The following GPRC5C variants were observed in gnomAD, a reference collection of about 807,000 sequenced individuals.
GPRC5C encodes G protein-coupled receptor family C group 5 member C.
GPRC5C carries 22 observed loss-of-function variants against 31.4 expected under a neutral mutation model. The observed-to-expected ratio is 0.70, with a 90% CI of 0.50 to 1.00. The LOEUF (loss-of-function observed/expected upper bound fraction) is 1.00, where lower values mean the gene tolerates loss of function less well. GPRC5C is among the 50% of genes least tolerant of loss of function. The pLI, the probability that GPRC5C is intolerant of heterozygous loss-of-function variation, is 0.00. For missense variants in GPRC5C, 557 were observed against 597.2 expected (o/e 0.93, Z 0.70); for synonymous variants, 249 against 257.5 (o/e 0.97, Z 0.32).
chr17:74,448,863 A>G, downstream of GPRC5C: 5 of 1,289,814 alleles, frequency 3.9e-6, no homozygotes, highest in Non-Finnish European at 4.0e-6. Flanking sequence ...AACACCAACC[A>G]GGTTTTCCTA....
rs998426080 is a variant in GPRC5C, at chr17:74,440,967, A to G, written c.1051+140A>G. On this transcript the variant is annotated intron_variant, in intron 2 of 3. Coordinates refer to ENST00000392627, the MANE Select transcript of GPRC5C (RefSeq NM_022036.4). The surrounding 1 kb of genome is among the most constrained non-coding windows in gnomAD (Gnocchi z 4.4). ...TTCTGCCTAAGTGTCTCTAAATTCC[A>G]TTTAATTTAAAGATTTTTTTTTTTC... 1 of 666,852 alleles carries G rather than the reference A, an allele frequency of 1.5e-6. No homozygotes were observed. The allele number at this position is 666,852 out of a possible 1,614,324, so 41.3% of individuals were successfully genotyped here.
chr17:74,441,516 C>T (rs1409307365), intron 2 of GPRC5C, among the ~76,000 whole-genome samples: 1 of 152,016 alleles, frequency 6.6e-6, no homozygotes, highest in East Asian at 1.9e-4. Flanking sequence ...TCATAGGGTT[C>T]TTGTGAGGAT....
chr17:74,439,948 G>A lies in GPRC5C; in HGVS notation c.172G>A (p.Gly58Arg). ...GGGCATCGTCCTGGAGGCCGTGGCTGGGGCGGGCATTGTCACCACGTTTGT... is the reference window on the plus strand; with the variant it reads ...GGGCATCGTCCTGGAGGCCGTGGCTAGGGCGGGCATTGTCACCACGTTTGT... ...AWGIVLEAVA[G>R]AGIVTTFVLT... is the part of the protein sequence containing the mutation. The change falls in exon 2 of 4, where the codon GGG becomes AGG. Residue 58 changes from glycine (G) to arginine (R), a missense_variant. Transcript: ENST00000392627. The A allele has an allele frequency of 1.2e-6, 2 of 1,610,918 alleles. No homozygotes were observed. The highest frequency in any genetic ancestry group is 1.7e-6 in the Non-Finnish European group (2 of 1,179,992).
chr17:74,447,381 C>T lies in GPRC5C; in HGVS notation c.*353C>T. 9.6e-7 allele frequency: 1 copy of T among 1,041,582 alleles called. No homozygotes were observed. Among genetic ancestry groups the T allele is most frequent in the East Asian group, 7.5e-5 (1 of 13,322 alleles). 64.5% of individuals were successfully genotyped at this position (1,041,582 alleles called of 1,614,324 possible). On this transcript the variant is annotated 3_prime_UTR_variant, in exon 4 of 4. Transcript: ENST00000392627. ...CAGGCGCTCAGGCCTGGATCTTGCT[C>T]CTCTGTGAGGAACAAGGGTGCCTAA... is the stretch of plus-strand genomic sequence containing the variant.
At position 74,439,768 on chromosome 17, in the gene GPRC5C, G is replaced by A; in HGVS notation, c.-9G>A. ...AGGGACCCAACCAGAGCCTGGCCTGGGAGCCAGGATGGCCATCCACAAAGC... is the reference window on the plus strand; with the variant it reads ...AGGGACCCAACCAGAGCCTGGCCTGAGAGCCAGGATGGCCATCCACAAAGC... On this transcript the variant is annotated 5_prime_UTR_variant, in exon 2 of 4. Transcript: ENST00000392627. 1 of 1,608,702 alleles carries A rather than the reference G, an allele frequency of 6.2e-7. No homozygotes were observed. Among genetic ancestry groups the A allele is most frequent in the Non-Finnish European group, 8.5e-7 (1 of 1,176,636 alleles).
intron 1 of GPRC5C, among the ~76,000 whole-genome samples, chr17:74,434,210 C>A (rs915582297): frequency 6.6e-6 from 1 of 152,196 alleles, no homozygotes; most frequent in Non-Finnish European, 1.5e-5. Flanking sequence ...GAGGCTGGAG[C>A]TGGGCTTCAG....
intron 2 of GPRC5C, among the ~76,000 whole-genome samples, chr17:74,442,690 A>G (rs2055559319): frequency 6.6e-6 from 1 of 152,202 alleles, no homozygotes. Context: ...TCTCTTCTAC[A>G]CACTGTGAAA....
chr17:74,447,286 G>A lies in GPRC5C; in HGVS notation c.*258G>A. ...TCGGCGGTCACACTCCAGCCAAATAGTGTTCTCGGGGTGGTGGCTGGGCAG... is the reference window on the plus strand; with the variant it reads ...TCGGCGGTCACACTCCAGCCAAATAATGTTCTCGGGGTGGTGGCTGGGCAG... On this transcript the variant is annotated 3_prime_UTR_variant, in exon 4 of 4. Coordinates refer to ENST00000392627, the MANE Select transcript of GPRC5C (RefSeq NM_022036.4). 1 of 1,245,844 alleles carries A rather than the reference G, an allele frequency of 8.0e-7. No homozygotes were observed. Among genetic ancestry groups the A allele is most frequent in the East Asian group, 3.4e-5 (1 of 29,010 alleles). 77.2% of individuals were successfully genotyped at this position (1,245,844 alleles called of 1,614,324 possible). A position where few individuals can be genotyped will look rare whatever the true frequency, so the allele number is the denominator to read the frequency against.
intron 3 of GPRC5C, 118 bp from the exon 4 acceptor site, chr17:74,446,731 G>A (rs899722640): frequency 1.0e-5 from 8 of 788,086 alleles, no homozygotes; most frequent in South Asian, 3.4e-5. Flanking sequence ...CAGAGGAGCC[G>A]AGGGGGGAGT....
Position 74,439,735 on chromosome 17 carries a change from C to T in GPRC5C, c.-32-10C>T, listed in dbSNP as rs1246318898. The T allele has an allele frequency of 3.2e-6, 5 of 1,583,884 alleles. No homozygotes were observed. In the Admixed American group the frequency reaches 9.1e-5, roughly 29 times the overall value. ...AGGACTAATTTTGTCCCTTTTCCTT[C>T]TGTCTCTAGGGACCCAACCAGAGCC... On this transcript the variant is annotated splice_polypyrimidine_tract_variant and intron_variant, in intron 1 of 3. Coordinates refer to ENST00000392627, the MANE Select transcript of GPRC5C (RefSeq NM_022036.4).
chr17:74,447,348 A>G lies in GPRC5C; in HGVS notation c.*320A>G, dbSNP rs2055657941. ...CTCTGGAGATTCCTGCAACCTCAAGAGACTTCCCAGGCGCTCAGGCCTGGA... is the reference window on the plus strand; with the variant it reads ...CTCTGGAGATTCCTGCAACCTCAAGGGACTTCCCAGGCGCTCAGGCCTGGA... On this transcript the variant is annotated 3_prime_UTR_variant, in exon 4 of 4. Coordinates refer to ENST00000392627, the MANE Select transcript of GPRC5C (RefSeq NM_022036.4). 1 of 1,089,500 alleles carries G rather than the reference A, an allele frequency of 9.2e-7. No individual in the cohort carries two copies. The highest frequency in any genetic ancestry group is 4.8e-5 in the Admixed American group (1 of 20,620). 67.5% of individuals were successfully genotyped at this position (1,089,500 alleles called of 1,614,324 possible).
intron 1 of GPRC5C, among the ~76,000 whole-genome samples, chr17:74,439,115 C>T (rs1293925244): frequency 6.6e-6 from 1 of 152,210 alleles, no homozygotes; most frequent in Non-Finnish European, 1.5e-5. Flanking sequence ...GTTTATTTCA[C>T]CCTTGACTTC....
intron 3 of GPRC5C, among the ~76,000 whole-genome samples, chr17:74,444,751 G>A (rs1209389214): frequency 4.6e-5 from 7 of 152,190 alleles, no homozygotes; most frequent in South Asian, 2.1e-4. Context: ...TGGAGGCTGC[G>A]GGCTGTCAGC....
rs758846070 is a variant in GPRC5C at position 74,432,090 on chromosome 17, A to C, written c.-84A>C. The stretch of plus-strand genomic sequence containing the variant: ...ACAACCCACACGCCGGCAGGGCCAG[A>C]AACTCCCATCTCCCTCACCAGCCGG... On this transcript the variant is annotated 5_prime_UTR_variant, in exon 1 of 4. Coordinates refer to ENST00000392627, the MANE Select transcript of GPRC5C (RefSeq NM_022036.4). 6.2e-7 allele frequency: 1 copy of C among 1,613,476 alleles called. No individual in the cohort carries two copies. Among genetic ancestry groups the C allele is most frequent in the Non-Finnish European group, 8.5e-7 (1 of 1,179,878 alleles).
intron 3 of GPRC5C, chr17:74,445,976 T>C: frequency 1.1e-5 from 1 of 88,148 alleles, no homozygotes; most frequent in Non-Finnish European, 2.3e-5. Flanking sequence ...CCTGGCAACG[T>C]AGTGAGACCC....
chr17:74,440,361 C>T lies in GPRC5C; in HGVS notation c.585C>T (p.Gly195=), dbSNP rs768895504. 2.2e-5 allele frequency: 35 copies of T among 1,614,118 alleles called. No individual in the cohort carries two copies. The highest frequency in any genetic ancestry group is 2.7e-5 in the Non-Finnish European group (32 of 1,180,010). ...GCCCTCAGGGCAACAGCAGCGCAGG[C>T]TGGGCCGTGGCCTCCCCCTGTGCCA... ...EGGPQGNSSA[G]WAVASPCAIA... Residue 195 remains glycine, a synonymous_variant, in exon 2 of 4, where the codon GGC becomes GGT. Transcript: ENST00000392627. The surrounding 1 kb of genome is among the most constrained non-coding windows in gnomAD (Gnocchi z 4.4).
intron 3 of GPRC5C, chr17:74,445,655 T>G (rs1007729811): frequency 6.6e-6 from 1 of 152,266 alleles, no homozygotes; most frequent in Admixed American, 6.5e-5. Context: ...TGGGCCTGAT[T>G]GACTTGAAGG....
chr17:74,447,691 G>C (rs2144454815), downstream of GPRC5C, among the ~76,000 whole-genome samples: 1 of 152,312 alleles, frequency 6.6e-6, no homozygotes, highest in Non-Finnish European at 1.5e-5. Flanking sequence ...CCCGCACCTG[G>C]GCTTGTCTGA....
intron 1 of GPRC5C, among the ~76,000 whole-genome samples, chr17:74,434,461 C>T (rs2055402291): frequency 6.6e-6 from 1 of 152,196 alleles, no homozygotes; most frequent in Admixed American, 6.5e-5. Context: ...GACCTTACAG[C>T]CCTGGAGGGG....
Sources: gnomAD v4.1 joint callset for allele counts (sites outside exome capture counted in the v4.1 genomes callset) on GRCh38, gnomAD v4.1.1 for gene constraint, Gnocchi (gnomAD v3.1) non-coding constraint, MANE v1.5 for transcripts, NCBI Gene and HGNC (gene_info 2026-07-23, HGNC 2026-07-21) for gene names.